Variants in ZNF714 observed in about 807,000 individuals in gnomAD.
ZNF714 encodes the protein zinc finger protein 714.
Under a neutral mutation model 46.2 loss-of-function variants are expected in ZNF714, and 32 were observed. The ratio of observed to expected loss-of-function variants is 0.69; its 90% CI spans 0.52 to 0.93. The LOEUF is 0.93. ZNF714 is among the 40% of genes least tolerant of loss of function. ZNF714 has a pLI of 0.00. For missense variants in ZNF714, 635 were observed against 646.3 expected (o/e 0.98, Z 0.19); for synonymous variants, 199 against 213.1 (o/e 0.93, Z 0.58).
At chr19:21,106,728 C>T (rs951397212) in intron 4 of ZNF714, among the ~76,000 whole-genome samples, 32 of 152,248 alleles carry the variant, frequency 2.1e-4, no homozygotes, top group African/African-American at 7.0e-4. Flanking sequence ...TAATCATATA[C>T]AGAAGGCTTC....
chr19:21,094,329 G>T (rs1040378200), intron 2 of ZNF714, among the ~76,000 whole-genome samples: 7 of 152,206 alleles, frequency 4.6e-5, no homozygotes, highest in Admixed American at 3.9e-4. Context: ...TAATAAACAT[G>T]CATATGCATG....
rs1969684636 is a variant in ZNF714, at chr19:21,120,305, G to C, written c.*1973G>C. The C allele has an allele frequency of 6.6e-6, 1 of 152,168 alleles. No individual in the cohort carries two copies. Among genetic ancestry groups the C allele is most frequent in the Admixed American group, 6.5e-5 (1 of 15,278 alleles). 9.4% of individuals were successfully genotyped at this position (152,168 alleles called of 1,614,324 possible). Reference sequence around the variant, plus strand: ...TCCACCCACCTTGGCCTCCAAAGGTGCTGGGATTACACAGGCATGAGCCAC... The same window carrying C: ...TCCACCCACCTTGGCCTCCAAAGGTCCTGGGATTACACAGGCATGAGCCAC... On this transcript the variant is annotated 3_prime_UTR_variant, in exon 5 of 5. Coordinates refer to ENST00000456283, the MANE Select transcript of ZNF714 (RefSeq NM_182515.4).
intron 4 of ZNF714, among the ~76,000 whole-genome samples, chr19:21,112,162 A>C (rs978340339): frequency 2.6e-5 from 4 of 152,112 alleles, no homozygotes; most frequent in Admixed American, 6.6e-5. Context: ...TTTCAGAAGA[A>C]ATAGTACTCT....
chr19:21,116,966 G>A lies in ZNF714; in HGVS notation c.302G>A (p.Gly101Asp), dbSNP rs772993080. Residue 101 changes from glycine (G) to aspartate (D), a missense_variant, in exon 5 of 5, where the codon GGT becomes GAT. Transcript: ENST00000456283. ...GTTGAGTGTAAGGTGTACAAAAAAGGTTATAATGAACTAAACCAGTGTTTG... is the reference window on the plus strand; with the variant it reads ...GTTGAGTGTAAGGTGTACAAAAAAGATTATAATGAACTAAACCAGTGTTTG... ...NVVECKVYKK[G>D]YNELNQCLTT... The A allele has an allele frequency of 1.2e-6, 2 of 1,609,350 alleles. No homozygotes were observed. Among genetic ancestry groups the A allele is most frequent in the South Asian group, 1.1e-5 (1 of 90,926 alleles).
chr19:21,119,307 C>G lies in ZNF714; in HGVS notation c.*975C>G. The G allele has an allele frequency of 3.6e-6, 1 of 278,952 alleles. No homozygotes were observed. Among genetic ancestry groups the G allele is most frequent in the South Asian group, 2.8e-5 (1 of 35,864 alleles). 17.3% of individuals were successfully genotyped at this position (278,952 alleles called of 1,614,324 possible). ...ATCCCAGCTACTCAAGAGGCTGAGG[C>G]AGGAGAATCACTTGAACTTGGGGAG... On this transcript the variant is annotated 3_prime_UTR_variant, in exon 5 of 5. Transcript: ENST00000456283.
chr19:21,097,056 C>T (rs1338646130), intron 2 of ZNF714, among the ~76,000 whole-genome samples: 7 of 151,990 alleles, frequency 4.6e-5, no homozygotes, highest in Admixed American at 3.3e-4. Context: ...TTAATAGAGA[C>T]GGGGTTTCAC....
In ZNF714 at chr19:21,120,517, AAC is replaced by A. The variant is rs1251032894; in HGVS notation, c.*2187_*2188del. ...AGAGTAATATTCTGCATTATGAAAA[AAC>A]ATTTAATTTTATTTAAAATTTAGTT... is the stretch of plus-strand genomic sequence containing the variant. On this transcript the variant is annotated 3_prime_UTR_variant, in exon 5 of 5. Transcript: ENST00000456283. 1 of 146,200 alleles carries A rather than the reference AAC, an allele frequency of 6.8e-6. No homozygotes were observed. The highest frequency in any genetic ancestry group is 1.5e-5 in the Non-Finnish European group (1 of 66,612). The allele number at this position is 146,200 out of a possible 1,614,324, so 9.1% of individuals were successfully genotyped here.
intron 4 of ZNF714, among the ~76,000 whole-genome samples, chr19:21,115,601 GC>G (rs1969577655): frequency 6.6e-6 from 1 of 151,702 alleles, no homozygotes; most frequent in Admixed American, 6.6e-5. Context: ...GGCCTGCAAA[GC>G]TTTTGTTGAC....
chr19:21,117,402 A>G lies in ZNF714; in HGVS notation c.738A>G (p.Thr246=). 1 of 1,613,460 alleles carries G rather than the reference A, an allele frequency of 6.2e-7. No homozygotes were observed. The highest frequency in any genetic ancestry group is 8.5e-7 in the Non-Finnish European group (1 of 1,179,662). Residue 246 remains threonine, a synonymous_variant, in exon 5 of 5, where the codon ACA becomes ACG. Coordinates refer to ENST00000456283, the MANE Select transcript of ZNF714 (RefSeq NM_182515.4). The part of the protein sequence containing the change: ...KAFYHSSHLT[T]HKVIHTGEKP... ...TCTACCATTCTTCACACCTTACTAC[A>G]CATAAGGTAATTCATACTGGAGAGA...
intron 2 of ZNF714, among the ~76,000 whole-genome samples, chr19:21,093,693 G>A (rs115524638): frequency 3.0e-4 from 45 of 152,174 alleles, no homozygotes; most frequent in African/African-American, 1.0e-3. Flanking sequence ...AAGTGCAGTG[G>A]TGCAATCTTG....
At chr19:21,093,658 G>C (rs951128055) in intron 2 of ZNF714, among the ~76,000 whole-genome samples, 8 of 152,002 alleles carry the variant, frequency 5.3e-5, no homozygotes, top group African/African-American at 9.7e-5. Flanking sequence ...TTTGGAGACA[G>C]TGTTTCACTC....
rs1261487131 is a variant in ZNF714, at chr19:21,116,901, AC to A, written c.238del (p.His80MetfsTer6). The A allele has an allele frequency of 3.7e-6, 6 of 1,613,948 alleles. No homozygotes were observed. The highest frequency in any genetic ancestry group is 5.1e-6 in the Non-Finnish European group (6 of 1,179,884). Reference sequence around the variant, plus strand: ...TACTGAGAAGACATGGCAAATGTGAACATGAGAATTTACAGTTAAGAAAAGG... The same window carrying A: ...TACTGAGAAGACATGGCAAATGTGAAATGAGAATTTACAGTTAAGAAAAGG... Reference protein sequence around the residue: ...VILRRHGKCEHENLQLRKGSA... With the variant: ...VILRRHGKCEXENLQLRKGSA... On this transcript the variant is annotated frameshift_variant, in exon 5 of 5. Coordinates refer to ENST00000456283, the MANE Select transcript of ZNF714 (RefSeq NM_182515.4). LOFTEE classifies it high-confidence loss of function.
chr19:21,113,770 A>G (rs925518867), intron 4 of ZNF714, among the ~76,000 whole-genome samples: 2 of 152,042 alleles, frequency 1.3e-5, no homozygotes, highest in Non-Finnish European at 2.9e-5. Context: ...TTGGCCTCCC[A>G]AAGTGCTAGG....
chr19:21,107,046 C>G (rs1271981424), intron 4 of ZNF714, among the ~76,000 whole-genome samples: 2 of 152,050 alleles, frequency 1.3e-5, no homozygotes, highest in Non-Finnish European at 2.9e-5. Context: ...AGGATGGTCT[C>G]GATCCCCTGA....
chr19:21,119,750 A>C lies in ZNF714; in HGVS notation c.*1418A>C, dbSNP rs907568604. 2 of 152,256 alleles carry C rather than the reference A, an allele frequency of 1.3e-5. No individual in the cohort carries two copies. Among genetic ancestry groups the C allele is most frequent in the African/African-American group, 4.8e-5 (2 of 41,476 alleles). The allele number at this position is 152,256 out of a possible 1,614,324, so 9.4% of individuals were successfully genotyped here. A position where few individuals can be genotyped will look rare whatever the true frequency, so the allele number is the denominator to read the frequency against. ...ATATCAGAATTTATGGTAGAAATAC[A>C]TAAGGCACTGACAACATCAGATATA... is the stretch of plus-strand genomic sequence containing the variant. On this transcript the variant is annotated 3_prime_UTR_variant, in exon 5 of 5. Transcript: ENST00000456283.
chr19:21,099,332 C>T (rs1969117663), intron 4 of ZNF714, among the ~76,000 whole-genome samples: 1 of 152,020 alleles, frequency 6.6e-6, no homozygotes, highest in African/African-American at 2.4e-5. Flanking sequence ...CGCCTGCCAC[C>T]ACACCCAGCT....
At chr19:21,113,621 C>T (rs1213588525) in intron 4 of ZNF714, among the ~76,000 whole-genome samples, 4 of 151,734 alleles carry the variant, frequency 2.6e-5, no homozygotes, top group African/African-American at 9.7e-5. Context: ...ATTCTCCTGT[C>T]TCAGCCTCCT....
intron 2 of ZNF714, among the ~76,000 whole-genome samples, chr19:21,097,648 G>T (rs1969074940): frequency 6.6e-6 from 1 of 151,962 alleles, no homozygotes; most frequent in African/African-American, 2.4e-5. Context: ...GACCAAAAAA[G>T]TTGGGAAAAA....
In ZNF714 at chr19:21,121,790, C is replaced by A. The variant is rs1274676109; in HGVS notation, c.*3458C>A. ...CAATCCATGACTTACAGTTCTGAAC[C>A]TTTTCATGCAAATTCTCTGTATATA... On this transcript the variant is annotated 3_prime_UTR_variant, in exon 5 of 5. Coordinates refer to ENST00000456283, the MANE Select transcript of ZNF714 (RefSeq NM_182515.4). 1 of 152,170 alleles carries A rather than the reference C, an allele frequency of 6.6e-6. No homozygotes were observed. The highest frequency in any genetic ancestry group is 1.5e-5 in the Non-Finnish European group (1 of 68,020). The allele number at this position is 152,170 out of a possible 1,614,324, so 9.4% of individuals were successfully genotyped here.
Sources: gnomAD v4.1 joint callset for allele counts (sites outside exome capture counted in the v4.1 genomes callset) on GRCh38, gnomAD v4.1.1 for gene constraint, MANE v1.5 for transcripts, NCBI Gene and HGNC (gene_info 2026-07-23, HGNC 2026-07-21) for gene names.